The following OCRL variants were observed in gnomAD, a reference collection of about 807,000 sequenced individuals.
The protein encoded by OCRL is inositol polyphosphate 5-phosphatase OCRL.
OCRL carries 8 observed loss-of-function variants against 78.9 expected under a neutral mutation model. The observed-to-expected ratio is 0.10, with a 90% CI of 0.06 to 0.18. OCRL has a LOEUF of 0.18. Ranked by LOEUF, OCRL falls within the 10% of genes least tolerant of loss-of-function variation. The pLI is 1.00. For missense variants in OCRL, 454 were observed against 696.7 expected (o/e 0.65, Z 3.92); for synonymous variants, 240 against 235.4 (o/e 1.02, Z -0.18).
At chrX:129,571,295 G>C (rs1338530356) in intron 15 of OCRL, among the ~76,000 whole-genome samples, 1 of 109,088 alleles carries the variant, frequency 9.2e-6, no homozygotes, top group East Asian at 2.8e-4. Flanking sequence ...GGTATGCCTG[G>C]CTTTTTTGTT....
Position 129,561,205 on chromosome X carries a change from A to G in OCRL, c.851A>G (p.Glu284Gly). 8.3e-7 allele frequency: 1 copy of G among 1,207,598 alleles called. No homozygotes were observed. Among genetic ancestry groups the G allele is most frequent in the East Asian group, 3.0e-5 (1 of 33,815 alleles). The change falls in exon 10 of 24, where the codon GAA becomes GGA. Residue 284 changes from glutamate to glycine, a missense_variant. Coordinates refer to ENST00000371113, the MANE Select transcript of OCRL (RefSeq NM_000276.4). ...IGFQELDLSTEAFFYFESVKE... is the reference protein window; with the variant it reads ...IGFQELDLSTGAFFYFESVKE... ...TTCCAAGAACTGGACTTGAGCACAGAAGCCTTCTTCTACTTTGAATCTGTG... is the reference window on the plus strand; with the variant it reads ...TTCCAAGAACTGGACTTGAGCACAGGAGCCTTCTTCTACTTTGAATCTGTG...
chrX:129,545,825 C>T (rs1935870598), intron 3 of OCRL, among the ~76,000 whole-genome samples: 1 of 111,595 alleles, frequency 9.0e-6, no homozygotes, highest in Non-Finnish European at 1.9e-5. Context: ...AGTGATCCTC[C>T]CACTTCAGCC....
intron 12 of OCRL, among the ~76,000 whole-genome samples, chrX:129,564,861 TATAATA>T (rs1200632830): frequency 5.4e-5 from 6 of 111,245 alleles, no homozygotes; most frequent in Admixed American, 9.5e-5. Context: ...CCCTAAAACT[TATAATA>T]ATAAAATAAA....
intron 3 of OCRL, among the ~76,000 whole-genome samples, chrX:129,547,039 C>T (rs754005422): frequency 1.8e-5 from 2 of 110,232 alleles, no homozygotes; most frequent in East Asian, 2.9e-4. Flanking sequence ...GGCAACATTG[C>T]GAGACCCCAT....
At chrX:129,589,194 G>T in intron 22 of OCRL, 181 bp downstream of exon 22, 1 of 504,138 alleles carries the variant, frequency 2.0e-6, no homozygotes, top group Non-Finnish European at 3.4e-6. Flanking sequence ...TGTTTCCTAC[G>T]ATATTTGCCA....
At chrX:129,566,657 G>A (rs748482070) in intron 13 of OCRL, among the ~76,000 whole-genome samples, 1 of 112,276 alleles carries the variant, frequency 8.9e-6, no homozygotes, top group African/African-American at 3.2e-5. Context: ...ACCTTCAGAC[G>A]TAGCCAACAT....
chrX:129,548,257 C>A (rs767786323), intron 3 of OCRL, among the ~76,000 whole-genome samples: 1 of 112,111 alleles, frequency 8.9e-6, no homozygotes, highest in Non-Finnish European at 1.9e-5. Flanking sequence ...CTTGCTTTCG[C>A]TGAATTAACA....
chrX:129,547,879 G>A lies in OCRL; in HGVS notation c.200-684G>A, dbSNP rs1602771592. Among the ~76,000 whole-genome samples the A allele has an allele frequency of 3.6e-5, 4 of 111,798 alleles. No homozygotes were observed. In the East Asian group the frequency reaches 1.1e-3, roughly 32 times the overall value. Reference sequence around the variant, plus strand: ...CAGGAGGGTCTGGCAGGTGCACTTGGTCAAATCCAGAGAAATCAGAGGGGA... The same window carrying A: ...CAGGAGGGTCTGGCAGGTGCACTTGATCAAATCCAGAGAAATCAGAGGGGA... On this transcript the variant is annotated intron_variant, in intron 3 of 23. Transcript: ENST00000371113.
At position 129,565,865 on chromosome X, in the gene OCRL, A is replaced by T; in HGVS notation, c.1338A>T (p.Arg446Ser). The T allele has an allele frequency of 2.5e-6, 3 of 1,192,829 alleles. No individual in the cohort carries two copies. Among genetic ancestry groups the T allele is most frequent in the Non-Finnish European group, 3.4e-6 (3 of 879,206 alleles). Residue 446 changes from arginine (R) to serine (S), a missense_variant, in exon 13 of 24, where the codon AGA (arginine) becomes AGT (serine). By Grantham distance (110) the Arg-to-Ser change is moderately radical (BLOSUM62 -1). This residue lies in a region of OCRL where 277 missense variants were observed against 517.1 expected (regional missense o/e 0.54). Transcript: ENST00000371113. Reference sequence around the variant, plus strand: ...TTATTAATAAGAAAGACCTTCAGAGACTCTTGAAATTCGACCAGGTAAGTA... The same window carrying T: ...TTATTAATAAGAAAGACCTTCAGAGTCTCTTGAAATTCGACCAGGTAAGTA... ...KSLINKKDLQ[R>S]LLKFDQLNIQ...
intron 13 of OCRL, among the ~76,000 whole-genome samples, chrX:129,566,946 C>T (rs1175418841): frequency 8.9e-6 from 1 of 112,054 alleles, no homozygotes; most frequent in Non-Finnish European, 1.9e-5. Context: ...TGGGTGGTTT[C>T]TGCCCAGCTC....
intron 22 of OCRL, chrX:129,589,372 T>A (rs887559711): frequency 1.7e-5 from 5 of 286,699 alleles, no homozygotes; most frequent in Non-Finnish European, 3.1e-5. Flanking sequence ...TTGGTGTGTG[T>A]TTTTAATCCT....
intron 12 of OCRL, 71 bp from the exon 13 acceptor site, chrX:129,565,700 TC>T: frequency 1.2e-6 from 1 of 807,369 alleles, no homozygotes; most frequent in South Asian, 2.1e-5. Context: ...TACCCATTTT[TC>T]TTCTCTCCAT....
chrX:129,566,154 A>G (rs1759326710), intron 13 of OCRL, among the ~76,000 whole-genome samples: 1 of 112,431 alleles, frequency 8.9e-6, no homozygotes. Flanking sequence ...AGATTTGTCT[A>G]AATGAGTTGG....
chrX:129,542,734 G>A (rs113841765), intron 2 of OCRL, among the ~76,000 whole-genome samples: 1,179 of 111,687 alleles, frequency 0.011, 19 homozygotes, highest in African/African-American at 0.036. Context: ...GAATTACACT[G>A]AGAAGTTTCT....
At chrX:129,559,903 A>G (rs901343309) in intron 8 of OCRL, among the ~76,000 whole-genome samples, 5 of 112,034 alleles carry the variant, frequency 4.5e-5, no homozygotes, top group Non-Finnish European at 9.4e-5. Context: ...CATGAGCAGA[A>G]TGTACCCTTC....
chrX:129,584,995 T>C (rs1219517772), intron 19 of OCRL, among the ~76,000 whole-genome samples: 1 of 111,982 alleles, frequency 8.9e-6, no homozygotes, highest in African/African-American at 3.3e-5. Context: ...CTTTTGATGA[T>C]GGGGATGGTA....
chrX:129,559,116 G>A (rs1936107100), intron 8 of OCRL, 115 bp downstream of exon 8: 1 of 691,412 alleles, frequency 1.4e-6, no homozygotes, highest in Non-Finnish European at 2.2e-6. Flanking sequence ...AAAAAGGAAT[G>A]GTTGCCTGTT....
At chrX:129,567,975 G>A (rs928045573) in intron 14 of OCRL, among the ~76,000 whole-genome samples, 3 of 105,140 alleles carry the variant, frequency 2.9e-5, no homozygotes, top group Non-Finnish European at 5.8e-5. Context: ...CTGCAGTGGC[G>A]CAATCTCGGC....
intron 17 of OCRL, 52 bp downstream of exon 17, chrX:129,576,114 C>T (rs768527744): frequency 8.7e-7 from 1 of 1,154,002 alleles, no homozygotes; most frequent in Non-Finnish European, 1.2e-6. Flanking sequence ...GACTCCCATC[C>T]CCTTGGTTTA....
Sources: allele counts gnomAD v4.1 joint callset (sites outside exome capture counted in the v4.1 genomes callset), GRCh38; gene constraint gnomAD v4.1.1; regional missense constraint gnomAD v4.1.1; transcripts MANE v1.5; gene names NCBI Gene and HGNC (gene_info 2026-07-23, HGNC 2026-07-21).